The following GRIN2D variants were observed in gnomAD, a reference collection of about 807,000 sequenced individuals.
GRIN2D encodes glutamate ionotropic receptor NMDA type subunit 2D.
GRIN2D carries 37 observed loss-of-function variants against 103.2 expected under a neutral mutation model. The ratio of observed to expected loss-of-function variants is 0.36; its 90% CI spans 0.28 to 0.47. The LOEUF is 0.47. GRIN2D is among the 20% of genes least tolerant of loss of function. The pLI is 1.00. For missense variants in GRIN2D, 1,557 were observed against 1,910.6 expected, an observed-to-expected ratio of 0.81 and a Z score of 3.45; for synonymous variants, 845 against 885.6, an observed-to-expected ratio of 0.95 and a Z score of 0.81.
intron 11 of GRIN2D, among the ~76,000 whole-genome samples, chr19:48,428,890 C>T (rs1971121470): frequency 6.6e-6 from 1 of 152,180 alleles, no homozygotes; most frequent in South Asian, 2.1e-4. Flanking sequence ...TGAGGAGCAG[C>T]AAGCTTCTTG....
Position 48,414,948 on chromosome 19 carries a change from C to A in GRIN2D, c.1497C>A (p.Ile499=), listed in dbSNP as rs1384083201. The change falls in exon 7 of 14, where the codon ATC becomes ATA. Residue 499 remains isoleucine (I), a synonymous_variant. Coordinates refer to ENST00000263269, the MANE Select transcript of GRIN2D (RefSeq NM_000836.4). The surrounding 1 kb of genome is among the most constrained non-coding windows in gnomAD (Gnocchi z 4.6). ...TTCTGAAGCGGCTGGCGCATACCAT[C>A]GGCTTCAGCTACGACCTCTACCTGG... is the stretch of plus-strand genomic sequence containing the variant. The part of the protein sequence containing the change: ...IDILKRLAHT[I]GFSYDLYLVT... The A allele has an allele frequency of 1.9e-6, 3 of 1,613,846 alleles. No homozygotes were observed. Among genetic ancestry groups the A allele is most frequent in the Non-Finnish European group, 2.5e-6 (3 of 1,179,948 alleles).
At position 48,398,696 on chromosome 19, in the gene GRIN2D, CAG is replaced by C; in HGVS notation, c.305_306del (p.Gln102ProfsTer75). 6.8e-7 allele frequency: 1 copy of C among 1,463,886 alleles called. No homozygotes were observed. Among genetic ancestry groups the C allele is most frequent in the Non-Finnish European group, 9.0e-7 (1 of 1,112,670 alleles). 90.7% of individuals were successfully genotyped at this position (1,463,886 alleles called of 1,614,324 possible). On this transcript the variant is annotated frameshift_variant, in exon 3 of 14. Coordinates refer to ENST00000263269, the MANE Select transcript of GRIN2D (RefSeq NM_000836.4). LOFTEE classifies it high-confidence loss of function. The stretch of plus-strand genomic sequence containing the variant: ...CTCGGACCCGCGCAGCCTCGTGCTG[CAG>C]CTCTGCGACCTGCTGTCGGGGTTGC... ...NGSDPRSLVL[Q>X]LCDLLSGLRV...
rs751242342 is a variant in GRIN2D at position 48,415,962 on chromosome 19, G to A, written c.1582-40G>A. On this transcript the variant is annotated intron_variant, in intron 7 of 13. Transcript: ENST00000263269. Reference sequence around the variant, plus strand: ...CGTCCGTGTCAGTCTGTCCGCTTGAGCCGGGTTCCCCCGCCCACTCCTCAT... The same window carrying A: ...CGTCCGTGTCAGTCTGTCCGCTTGAACCGGGTTCCCCCGCCCACTCCTCAT... The A allele has an allele frequency of 4.4e-6, 7 of 1,585,614 alleles. No individual in the cohort carries two copies. The African/African-American group carries it at 8.1e-5, about 18-fold the overall frequency.
intron 4 of GRIN2D, among the ~76,000 whole-genome samples, chr19:48,406,765 T>A (rs775827239): frequency 1.4e-4 from 22 of 152,150 alleles, no homozygotes; most frequent in Non-Finnish European, 3.1e-4. Context: ...CATGCGGGCA[T>A]GGCGGGGGCA....
chr19:48,419,578 C>A lies in GRIN2D; in HGVS notation c.1862-7C>A, dbSNP rs776440205. On this transcript the variant is annotated splice_region_variant and splice_polypyrimidine_tract_variant and intron_variant, in intron 9 of 13. Coordinates refer to ENST00000263269, the MANE Select transcript of GRIN2D (RefSeq NM_000836.4). ...GGGGTCCATGTCCACGTCCTGGCCC[C>A]CTGCAGGCCCTGGCGGTTCAACCTT... is the stretch of plus-strand genomic sequence containing the variant. 2.5e-6 allele frequency: 4 copies of A among 1,604,756 alleles called. No individual in the cohort carries two copies. The highest frequency in any genetic ancestry group is 2.6e-6 in the Non-Finnish European group (3 of 1,172,098).
At chr19:48,438,535 T>C (rs1971258125) in intron 11 of GRIN2D, among the ~76,000 whole-genome samples, 1 of 151,974 alleles carries the variant, frequency 6.6e-6, no homozygotes. Context: ...CCTGACCTCG[T>C]GATCCGCCTG....
rs35154284 is a variant in GRIN2D at position 48,429,715 on chromosome 19, A to ATGTGTGTG, written c.2252+7788_2252+7795dup. Among the ~76,000 whole-genome samples, 1,152 of 146,988 alleles carry ATGTGTGTG rather than the reference A, an allele frequency of 7.8e-3. 6 individuals are homozygous for ATGTGTGTG. The highest frequency in any genetic ancestry group is 0.019 in the African/African-American group (778 of 40,012). On this transcript the variant is annotated intron_variant, in intron 11 of 13. Coordinates refer to ENST00000263269, the MANE Select transcript of GRIN2D (RefSeq NM_000836.4). ...GGCCCGGCCTAATTTTAATTTTTTA[A>ATGTGTGTG]TGTGTGTGTGTGTGTGTGTGTGTGT...
chr19:48,404,106 G>A (rs1367509401), intron 3 of GRIN2D, among the ~76,000 whole-genome samples: 2 of 152,206 alleles, frequency 1.3e-5, no homozygotes, highest in Non-Finnish European at 2.9e-5. Flanking sequence ...TGGGCGTGGT[G>A]GCGCACGCCT....
Position 48,416,019 on chromosome 19 carries a change from A to T in GRIN2D, c.1599A>T (p.Ala533=). ...CACCCCAGGTGTTCTACCAGCGCGC[A>T]GACATGGCCATCGGCTCCCTCACCA... ...GMIGEVFYQR[A]DMAIGSLTIN... is the part of the protein sequence containing the mutation. The change falls in exon 8 of 14, where the codon GCA becomes GCT. Residue 533 remains alanine (A), a synonymous_variant. Transcript: ENST00000263269. The T allele has an allele frequency of 6.2e-7, 1 of 1,613,586 alleles. No individual in the cohort carries two copies. The highest frequency in any genetic ancestry group is 8.5e-7 in the Non-Finnish European group (1 of 1,179,832).
chr19:48,428,439 C>A (rs1360755818), intron 11 of GRIN2D, among the ~76,000 whole-genome samples: 1 of 151,012 alleles, frequency 6.6e-6, no homozygotes, highest in Admixed American at 6.6e-5. Context: ...CGGCTCACTG[C>A]AACCTCCACC....
intron 4 of GRIN2D, 66 bp from the exon 5 acceptor site, chr19:48,413,925 C>T: frequency 1.1e-6 from 1 of 895,422 alleles, no homozygotes; most frequent in Non-Finnish European, 1.9e-6. Context: ...AGGGGACTTT[C>T]TCTGCCTTCC....
In GRIN2D at chr19:48,442,942, T is replaced by C; in HGVS notation, c.3016T>C (p.Ser1006Pro). The change falls in exon 14 of 14, where the codon TCC becomes CCC. Residue 1006 changes from serine to proline, a missense_variant. By Grantham distance (74) the Ser-to-Pro change is moderately conservative. Around this residue, in one of 7 missense-constraint regions of GRIN2D, gnomAD observed 632 missense variants for 572.8 expected, o/e 1.10. Transcript: ENST00000263269. The surrounding 1 kb of genome is among the most constrained non-coding windows in gnomAD (Gnocchi z 7.2). ...TCAGCCCCCGCAGAAGCCGCCGCCC[T>C]CCTATTTCGCCATCGTACGCGACAA... ...AAQPPQKPPP[S>P]YFAIVRDKEP... 1 of 1,139,544 alleles carries C rather than the reference T, an allele frequency of 8.8e-7. No homozygotes were observed. The highest frequency in any genetic ancestry group is 1.1e-6 in the Non-Finnish European group (1 of 920,782). The allele number at this position is 1,139,544 out of a possible 1,614,324, so 70.6% of individuals were successfully genotyped here. A position where few individuals can be genotyped will look rare whatever the true frequency, so the allele number is the denominator to read the frequency against.
chr19:48,412,414 G>GAAA (rs1170896589), intron 4 of GRIN2D, among the ~76,000 whole-genome samples: 1 of 115,826 alleles, frequency 8.6e-6, no homozygotes, highest in Non-Finnish European at 1.9e-5. Flanking sequence ...AAGAAAGAAA[G>GAAA]AGAAAGAAAA....
chr19:48,401,696 G>A (rs896622226), intron 3 of GRIN2D, among the ~76,000 whole-genome samples: 12 of 152,258 alleles, frequency 7.9e-5, no homozygotes, highest in Non-Finnish European at 1.3e-4. Context: ...CTTTGATTCT[G>A]AGGTAGAATC....
At chr19:48,434,074 G>A (rs1971195389) in intron 11 of GRIN2D, among the ~76,000 whole-genome samples, 2 of 150,798 alleles carry the variant, frequency 1.3e-5, no homozygotes, top group Admixed American at 6.6e-5. Flanking sequence ...TCAGCTTCCC[G>A]AGTAGCTGGG....
At chr19:48,417,788 A>T (rs1474219092) in intron 8 of GRIN2D, among the ~76,000 whole-genome samples, 1 of 152,136 alleles carries the variant, frequency 6.6e-6, no homozygotes, top group African/African-American at 2.4e-5. Context: ...CCTTGCTGTG[A>T]CGGGGGCAGT....
intron 3 of GRIN2D, among the ~76,000 whole-genome samples, chr19:48,402,782 G>A (rs935678208): frequency 6.7e-6 from 1 of 148,890 alleles, no homozygotes; most frequent in Admixed American, 6.8e-5. Context: ...GAGAGAGAGA[G>A]AGAGAGAGAG....
Position 48,421,694 on chromosome 19 carries a change from C to A in GRIN2D, c.2092-91C>A. 9.6e-7 allele frequency: 1 copy of A among 1,046,346 alleles called. No individual in the cohort carries two copies. The highest frequency in any genetic ancestry group is 1.5e-6 in the Non-Finnish European group (1 of 688,028). 64.8% of individuals were successfully genotyped at this position (1,046,346 alleles called of 1,614,324 possible). ...TTGAACACTCCTGGGACTGGGGTGT[C>A]TGCCAGATAGCGGGTGTGTCTCAGA... On this transcript the variant is annotated intron_variant, in intron 10 of 13. Transcript: ENST00000263269. This position sits in a 1 kb window ranked among gnomAD's most constrained non-coding sequence, Gnocchi z 4.8.
intron 11 of GRIN2D, among the ~76,000 whole-genome samples, chr19:48,422,350 T>C (rs1971035251): frequency 6.6e-6 from 1 of 152,166 alleles, no homozygotes; most frequent in Non-Finnish European, 1.5e-5. Context: ...CGGTGGCTCA[T>C]GCCTGTAATC....
Sources: allele counts gnomAD v4.1 joint callset (sites outside exome capture counted in the v4.1 genomes callset), GRCh38; gene constraint gnomAD v4.1.1; regional missense constraint gnomAD v4.1.1; non-coding constraint Gnocchi (gnomAD v3.1); transcripts MANE v1.5; gene names NCBI Gene and HGNC (gene_info 2026-07-23, HGNC 2026-07-21).